The following MPND variants were observed in gnomAD, a reference collection of about 807,000 sequenced individuals.
MPND encodes MPN domain-containing protein.
A neutral mutation model predicts 59.2 loss-of-function variants in MPND; 56 were observed. That is an observed-to-expected ratio of 0.95 (90% CI 0.76 to 1.18). The LOEUF is 1.18. Ranked by LOEUF, MPND falls within the 50% of genes most tolerant of loss-of-function variation. MPND has a pLI of 0.00. For synonymous variants in MPND, 323 were observed against 291.9 expected, an observed-to-expected ratio of 1.11 and a Z score of -1.09; for missense variants, 671 against 676.0, an observed-to-expected ratio of 0.99 and a Z score of 0.08.
chr19:4,358,604 A>G (rs1419962931), intron 11 of MPND, among the ~76,000 whole-genome samples: 1 of 152,224 alleles, frequency 6.6e-6, no homozygotes, highest in Non-Finnish European at 1.5e-5. Context: ...TCTGGCCAAC[A>G]TGGCGAAACC....
intron 3 of MPND, chr19:4,347,820 G>A (rs1232700247): frequency 5.9e-6 from 2 of 338,660 alleles, no homozygotes; most frequent in African/African-American, 2.2e-5. Flanking sequence ...TCAGTCCAGT[G>A]TCTACAAGGA....
chr19:4,354,566 T>C, intron 6 of MPND, 146 bp downstream of exon 6: 1 of 699,856 alleles, frequency 1.4e-6, no homozygotes, highest in Non-Finnish European at 2.4e-6. Flanking sequence ...GCTCAATAAA[T>C]GTATGAAGGA....
chr19:4,345,709 T>C, intron 2 of MPND, 36 bp from the exon 3 acceptor site: 1 of 1,602,392 alleles, frequency 6.2e-7, no homozygotes, highest in Non-Finnish European at 8.5e-7. Context: ...ATGGTGGGTG[T>C]TGGTCCTGGG....
At chr19:4,359,092 A>C in intron 11 of MPND, 71 bp from the exon 12 acceptor site, 92 of 1,021,516 alleles carry the variant, frequency 9.0e-5, no homozygotes, top group Non-Finnish European at 1.3e-4. Flanking sequence ...TGAGACTGGA[A>C]CCCCAGGAGA....
chr19:4,349,266 C>T (rs867914560), intron 3 of MPND, among the ~76,000 whole-genome samples: 8 of 151,664 alleles, frequency 5.3e-5, no homozygotes, highest in African/African-American at 1.2e-4. Context: ...ATTAGAGATG[C>T]GGTTTCACCA....
chr19:4,359,346 C>A, intron 12 of MPND, 91 bp downstream of exon 12: 1 of 923,954 alleles, frequency 1.1e-6, no homozygotes, highest in Non-Finnish European at 1.7e-6. Flanking sequence ...GCCCCGTGGG[C>A]CTCAGGGGCC....
intron 2 of MPND, among the ~76,000 whole-genome samples, chr19:4,344,481 G>A (rs552073469): frequency 6.6e-6 from 1 of 152,336 alleles, no homozygotes; most frequent in South Asian, 2.1e-4. Flanking sequence ...GGAATCTGAG[G>A]CACAGATGGG....
intron 3 of MPND, among the ~76,000 whole-genome samples, chr19:4,349,508 T>C (rs1568396301): frequency 6.7e-6 from 1 of 149,584 alleles, no homozygotes. Flanking sequence ...GCTCAGTGAG[T>C]GGGTCTATTT....
chr19:4,354,495 G>C (rs762694594), intron 6 of MPND, 75 bp downstream of exon 6: 1 of 1,185,052 alleles, frequency 8.4e-7, no homozygotes, highest in Non-Finnish European at 1.2e-6. Flanking sequence ...GCTCCCCTGC[G>C]TATCAGCTCC....
At position 4,354,038 on chromosome 19, in the gene MPND, C is replaced by T; in HGVS notation, c.665-7C>T. ...GGAGGGACTGACCCTGCCTTTTTCT[C>T]TCCCAGAGGCCACAACCCCAGGGAA... On this transcript the variant is annotated splice_polypyrimidine_tract_variant and splice_region_variant and intron_variant, in intron 4 of 12. Transcript: ENST00000599840. The T allele has an allele frequency of 1.2e-6, 2 of 1,611,640 alleles. No homozygotes were observed. Among genetic ancestry groups the T allele is most frequent in the Non-Finnish European group, 8.5e-7 (1 of 1,178,148 alleles).
At position 4,343,868 on chromosome 19, in the gene MPND, C is replaced by T. The variant is rs1368852995; in HGVS notation, c.168C>T (p.Gly56=). The T allele has an allele frequency of 2.4e-5, 25 of 1,052,860 alleles. No homozygotes were observed. The highest frequency in any genetic ancestry group is 2.9e-5 in the Non-Finnish European group (25 of 861,756). The allele number at this position is 1,052,860 out of a possible 1,614,324, so 65.2% of individuals were successfully genotyped here. The change falls in exon 2 of 13, where the codon GGC becomes GGT. Residue 56 remains glycine, a synonymous_variant. Transcript: ENST00000599840. ...GSSVSGGGGG[G]GAGAGGCGGP... The stretch of plus-strand genomic sequence containing the variant: ...GCGTCAGCGGAGGAGGCGGCGGCGG[C>T]GGGGCCGGGGCGGGGGGCTGCGGCG...
chr19:4,359,830 G>T, intron 12 of MPND, 86 bp from the exon 13 acceptor site: 2 of 1,096,010 alleles, frequency 1.8e-6, no homozygotes, highest in South Asian at 3.0e-5. Flanking sequence ...GCTCAGTCAG[G>T]ATGCTGGACT....
At chr19:4,353,756 T>G (rs914841982) in intron 4 of MPND, 4 of 337,560 alleles carry the variant, frequency 1.2e-5, no homozygotes, top group Non-Finnish European at 2.2e-5. Context: ...AGAGACGAGA[T>G]CTCATCATCT....
intron 8 of MPND, among the ~76,000 whole-genome samples, chr19:4,356,087 C>T (rs1026201869): frequency 3.6e-4 from 55 of 151,612 alleles, no homozygotes; most frequent in Admixed American, 9.9e-4. Context: ...CTCCTGACCT[C>T]GTGATCCACC....
At chr19:4,358,369 C>T (rs954423631) in intron 11 of MPND, 197 bp downstream of exon 11, 1 of 585,738 alleles carries the variant, frequency 1.7e-6, no homozygotes, top group South Asian at 2.0e-5. Context: ...CCCTCCCTCA[C>T]CTCCCCACCT....
rs1447232069 is a variant in MPND, at chr19:4,358,091, C to T, written c.1245C>T (p.Pro415=). Residue 415 remains proline (P), a synonymous_variant, in exon 11 of 13, where the codon CCC becomes CCT. Coordinates refer to ENST00000599840, the MANE Select transcript of MPND (RefSeq NM_001300862.2). ...GTCTGTGTCCCTGCCAGCAAAGGCC[C>T]AGTGACTATGGCATCCCCATGGATG... ...FWVMPPPEQR[P]SDYGIPMDVE... 1.0e-5 allele frequency: 16 copies of T among 1,551,318 alleles called. No homozygotes were observed. The East Asian group carries it at 3.9e-4, about 38-fold the overall frequency.
chr19:4,358,201 G>A (rs1229142699), intron 11 of MPND, 29 bp downstream of exon 11: 9 of 1,539,538 alleles, frequency 5.8e-6, no homozygotes, highest in Middle Eastern at 1.7e-4. Flanking sequence ...GGGCAGGCAG[G>A]GGCTGGCAGT....
In MPND at chr19:4,357,124, C is replaced by A. The variant is rs890127077; in HGVS notation, c.997-129C>A. ...GGACTCAGTGGCGGTGGGGGCAGGGCCTGTCTTGGTCATCACTGTGTCCCC... is the reference window on the plus strand; with the variant it reads ...GGACTCAGTGGCGGTGGGGGCAGGGACTGTCTTGGTCATCACTGTGTCCCC... On this transcript the variant is annotated intron_variant, in intron 8 of 12. Transcript: ENST00000599840. 7.2e-5 allele frequency: 70 copies of A among 977,038 alleles called. No homozygotes were observed. The Middle Eastern group carries it at 1.0e-3, about 14-fold the overall frequency. 60.5% of individuals were successfully genotyped at this position (977,038 alleles called of 1,614,324 possible).
At position 4,351,639 on chromosome 19, in the gene MPND, A is replaced by AGG. The variant is rs1568397301; in HGVS notation, c.532-1258_532-1257insGG. Reference sequence around the variant, plus strand: ...GCACTTTGGGTGGCCGAGATGGGCAAATCACAAGGTCAGACGATCGAGACC... The same window carrying AGG: ...GCACTTTGGGTGGCCGAGATGGGCAAGGATCACAAGGTCAGACGATCGAGACC... On this transcript the variant is annotated intron_variant, in intron 3 of 12. Coordinates refer to ENST00000599840, the MANE Select transcript of MPND (RefSeq NM_001300862.2). Among the ~76,000 whole-genome samples the AGG allele has an allele frequency of 1.4e-3, 215 of 148,922 alleles. 1 individual carries two copies. Among genetic ancestry groups the AGG allele is most frequent in the African/African-American group, 5.2e-3 (210 of 40,366 alleles).
Sources: gnomAD v4.1 joint callset for allele counts (sites outside exome capture counted in the v4.1 genomes callset) on GRCh38, gnomAD v4.1.1 for gene constraint, MANE v1.5 for transcripts, NCBI Gene and HGNC (gene_info 2026-07-23, HGNC 2026-07-21) for gene names.